The following SLC35A5 variants were observed in gnomAD, a reference collection of about 807,000 sequenced individuals.
SLC35A5 encodes UDP-sugar transporter protein SLC35A5.
SLC35A5 carries 28 observed loss-of-function variants against 36.3 expected under a neutral mutation model. The ratio of observed to expected loss-of-function variants is 0.77; its 90% confidence interval spans 0.57 to 1.06. The LOEUF is 1.06. Ranked by LOEUF, SLC35A5 falls within the 50% of genes least tolerant of loss-of-function variation. SLC35A5 has a pLI of 0.00. For synonymous variants in SLC35A5, 180 were observed against 173.7 expected, an observed-to-expected ratio of 1.04 and a Z score of -0.29; for missense variants, 521 against 499.3, an observed-to-expected ratio of 1.04 and a Z score of -0.41.
In SLC35A5 at chr3:112,581,324, G is replaced by A; in HGVS notation, c.1207G>A (p.Gly403Arg). ...LSGNLWERSS[G>R]DGEELERLTK... is the part of the protein sequence containing the mutation. ...TGGCAATCTTTGGGAGCGTTCCAGTGGGGTAAGTTTGTGAGGGTGTTCCTT... is the reference window on the plus strand; with the variant it reads ...TGGCAATCTTTGGGAGCGTTCCAGTAGGGTAAGTTTGTGAGGGTGTTCCTT... The change falls in exon 6 of 7, where the codon GGG (glycine) becomes AGG (arginine). Residue 403 changes from glycine to arginine, a missense_variant and splice_region_variant. By Grantham distance (125) the Gly-to-Arg change is moderately radical. Coordinates refer to ENST00000492406, the MANE Select transcript of SLC35A5 (RefSeq NM_017945.5). 6.3e-7 allele frequency: 1 copy of A among 1,591,868 alleles called. No homozygotes were observed. The highest frequency in any genetic ancestry group is 8.5e-7 in the Non-Finnish European group (1 of 1,171,474).
Position 112,583,826 on chromosome 3 carries a change from G to A in SLC35A5, c.*1090G>A, listed in dbSNP as rs1935042092. 6.6e-6 allele frequency: 1 copy of A among 152,072 alleles called. No homozygotes were observed. Among genetic ancestry groups the A allele is most frequent in the Non-Finnish European group, 1.5e-5 (1 of 67,990 alleles). The allele number at this position is 152,072 out of a possible 1,614,324, so 9.4% of individuals were successfully genotyped here. ...TATTTTTCATGGTATTTTGCATGCA[G>A]CCAGTTAACTCTCGTAGATAGAGAA... On this transcript the variant is annotated 3_prime_UTR_variant, in exon 7 of 7. Coordinates refer to ENST00000492406, the MANE Select transcript of SLC35A5 (RefSeq NM_017945.5).
intron 4 of SLC35A5, among the ~76,000 whole-genome samples, chr3:112,572,595 T>C (rs1314701055): frequency 6.6e-6 from 1 of 152,218 alleles, no homozygotes; most frequent in Non-Finnish European, 1.5e-5. Flanking sequence ...AACTTCCTTA[T>C]TTTTCTTCCA....
At chr3:112,561,328 CCT>C (rs1933866435), upstream of SLC35A5, 6 of 923,820 alleles carry the variant, frequency 6.5e-6, no homozygotes, top group Non-Finnish European at 1.0e-5. Flanking sequence ...TGCACACTTC[CCT>C]GTGTCTCGAG....
At chr3:112,563,304 C>G in intron 1 of SLC35A5, 81 bp from the exon 2 acceptor site, 1 of 1,313,870 alleles carries the variant, frequency 7.6e-7, no homozygotes, top group Non-Finnish European at 9.9e-7. Flanking sequence ...TTAAAAATTC[C>G]TTTTTTGTCC....
chr3:112,568,337 A>G (rs891206841), intron 2 of SLC35A5, among the ~76,000 whole-genome samples: 2 of 152,240 alleles, frequency 1.3e-5, no homozygotes, highest in African/African-American at 4.8e-5. Context: ...AAGCAAGCAA[A>G]TGTCTTCAAA....
rs553063394 is a variant in SLC35A5 at position 112,584,063 on chromosome 3, T to A, written c.*1327T>A. 3.3e-5 allele frequency: 5 copies of A among 152,284 alleles called. No homozygotes were observed. The South Asian group carries it at 1.0e-3, about 32-fold the overall frequency. The allele number at this position is 152,284 out of a possible 1,614,324, so 9.4% of individuals were successfully genotyped here. ...AAGTTTCATGCAGATGAATATAAGG[T>A]AATATACTATTATATAATTCATTTG... On this transcript the variant is annotated 3_prime_UTR_variant, in exon 7 of 7. Transcript: ENST00000492406.
chr3:112,569,028 C>A, intron 2 of SLC35A5, 143 bp from the exon 3 acceptor site: 1 of 632,540 alleles, frequency 1.6e-6, no homozygotes, highest in Non-Finnish European at 2.6e-6. Context: ...TTAAAAAATC[C>A]AAAGGAGCAA....
chr3:112,580,670 T>G lies in SLC35A5; in HGVS notation c.553T>G (p.Phe185Val). ...AGGACGTGGATTTCATCACGATGCC[T>G]TTTTCAGCCCTTCCAATTCCTGCCT... ...LAGRGFHHDAFFSPSNSCLLF... is the reference protein window; with the variant it reads ...LAGRGFHHDAVFSPSNSCLLF... Residue 185 changes from phenylalanine (F) to valine (V), a missense_variant, in exon 6 of 7, where the codon TTT becomes GTT. Transcript: ENST00000492406. The G allele has an allele frequency of 6.2e-7, 1 of 1,614,120 alleles. No homozygotes were observed. Among genetic ancestry groups the G allele is most frequent in the Non-Finnish European group, 8.5e-7 (1 of 1,179,952 alleles).
At chr3:112,576,341 G>T (rs951960914) in intron 5 of SLC35A5, among the ~76,000 whole-genome samples, 2 of 148,194 alleles carry the variant, frequency 1.3e-5, no homozygotes, top group African/African-American at 2.5e-5. Flanking sequence ...TGGCCAAGAT[G>T]GTGTTGATCT....
rs908167492 is a variant in SLC35A5 at position 112,567,150 on chromosome 3, T to C, written c.131-2021T>C. Among the ~76,000 whole-genome samples the C allele has an allele frequency of 3.9e-4, 59 of 151,774 alleles. 1 individual carries two copies. The highest frequency in any genetic ancestry group is 7.2e-5 in the African/African-American group (3 of 41,436). On this transcript the variant is annotated intron_variant, in intron 2 of 6. Transcript: ENST00000492406. Reference sequence around the variant, plus strand: ...CTGAGGCAGGAGAATGACGTGAACCTGGGAGGTGGAGCTTGCAGTGAGCTG... The same window carrying C: ...CTGAGGCAGGAGAATGACGTGAACCCGGGAGGTGGAGCTTGCAGTGAGCTG...
chr3:112,574,052 A>G (rs903641616), intron 5 of SLC35A5, 96 bp downstream of exon 5: 1 of 1,115,522 alleles, frequency 9.0e-7, no homozygotes, highest in Admixed American at 2.0e-5. Context: ...CAGAATCCCA[A>G]AGCCAGGATT....
rs1248426349 is a variant in SLC35A5 at position 112,583,842 on chromosome 3, A to G, written c.*1106A>G. 6.6e-6 allele frequency: 1 copy of G among 152,150 alleles called. No individual in the cohort carries two copies. The highest frequency in any genetic ancestry group is 2.4e-5 in the African/African-American group (1 of 41,446). 9.4% of individuals were successfully genotyped at this position (152,150 alleles called of 1,614,324 possible). A position where few individuals can be genotyped will look rare whatever the true frequency, so the allele number is the denominator to read the frequency against. Reference sequence around the variant, plus strand: ...TTGCATGCAGCCAGTTAACTCTCGTAGATAGAGAAGTCAGGTGATAGATGA... The same window carrying G: ...TTGCATGCAGCCAGTTAACTCTCGTGGATAGAGAAGTCAGGTGATAGATGA... On this transcript the variant is annotated 3_prime_UTR_variant, in exon 7 of 7. Coordinates refer to ENST00000492406, the MANE Select transcript of SLC35A5 (RefSeq NM_017945.5).
intron 5 of SLC35A5, among the ~76,000 whole-genome samples, chr3:112,575,558 T>C (rs1934628283): frequency 6.6e-6 from 1 of 152,018 alleles, no homozygotes; most frequent in South Asian, 2.1e-4. Context: ...ATTTTGCTAA[T>C]TTTAATAATA....
chr3:112,583,840 G>A lies in SLC35A5; in HGVS notation c.*1104G>A, dbSNP rs778261858. ...TTTTGCATGCAGCCAGTTAACTCTC[G>A]TAGATAGAGAAGTCAGGTGATAGAT... is the stretch of plus-strand genomic sequence containing the variant. On this transcript the variant is annotated 3_prime_UTR_variant, in exon 7 of 7. Coordinates refer to ENST00000492406, the MANE Select transcript of SLC35A5 (RefSeq NM_017945.5). The A allele has an allele frequency of 9.9e-5, 15 of 152,038 alleles. No homozygotes were observed. Among genetic ancestry groups the A allele is most frequent in the East Asian group, 1.9e-4 (1 of 5,186 alleles). The allele number at this position is 152,038 out of a possible 1,614,324, so 9.4% of individuals were successfully genotyped here.
intron 2 of SLC35A5, among the ~76,000 whole-genome samples, chr3:112,564,540 CG>C: frequency 6.6e-6 from 1 of 152,270 alleles, no homozygotes; most frequent in East Asian, 1.9e-4. Context: ...TGCCCAGGGA[CG>C]AGCAGGAGAC....
chr3:112,563,340 G>T, intron 1 of SLC35A5, 45 bp from the exon 2 acceptor site: 1 of 1,394,544 alleles, frequency 7.2e-7, no homozygotes, highest in Non-Finnish European at 9.5e-7. Flanking sequence ...TTTGCGTTTA[G>T]GGTCTGCCAA....
rs943058983 is a variant in SLC35A5, at chr3:112,583,909, G to A, written c.*1173G>A. 1 of 152,142 alleles carries A rather than the reference G, an allele frequency of 6.6e-6. No individual in the cohort carries two copies. The highest frequency in any genetic ancestry group is 1.5e-5 in the Non-Finnish European group (1 of 68,008). The allele number at this position is 152,142 out of a possible 1,614,324, so 9.4% of individuals were successfully genotyped here. ...ACAAAAGTGACTTGCTCAGGGTCAT[G>A]CAGCTGGGTGATGATAGAAGAGTGG... On this transcript the variant is annotated 3_prime_UTR_variant, in exon 7 of 7. Coordinates refer to ENST00000492406, the MANE Select transcript of SLC35A5 (RefSeq NM_017945.5).
intron 2 of SLC35A5, among the ~76,000 whole-genome samples, chr3:112,567,978 A>G (rs540890082): frequency 3.3e-4 from 51 of 152,304 alleles, no homozygotes; most frequent in African/African-American, 1.1e-3. Flanking sequence ...AGATGTTTTG[A>G]CTATGCTTTG....
At chr3:112,579,263 C>A (rs73855823) in intron 5 of SLC35A5, among the ~76,000 whole-genome samples, 2,449 of 152,264 alleles carry the variant, frequency 0.016, 55 homozygotes, top group African/African-American at 0.052. Flanking sequence ...TTAGGGAAAT[C>A]TGTTAGGTTA....
Sources: allele counts gnomAD v4.1 joint callset (sites outside exome capture counted in the v4.1 genomes callset), GRCh38; gene constraint gnomAD v4.1.1; transcripts MANE v1.5; gene names NCBI Gene and HGNC (gene_info 2026-07-23, HGNC 2026-07-21).